RANBP1: variants seen among roughly 807,000 people sequenced by gnomAD.
The protein encoded by RANBP1 is ran-specific GTPase-activating protein.
In RANBP1, 16 loss-of-function variants were observed where a neutral mutation model predicts 31.4. The ratio of observed to expected loss-of-function variants is 0.51; its 90% confidence interval spans 0.34 to 0.77. The LOEUF is 0.77. Ranked by LOEUF, RANBP1 falls within the 30% of genes least tolerant of loss-of-function variation. The probability of loss-of-function intolerance (pLI) is 0.01; values close to 1 mark genes in which losing one functional copy is unlikely to be tolerated. For missense variants in RANBP1, 265 were observed against 362.0 expected (o/e 0.73, Z 2.17); for synonymous variants, 129 against 140.5 (o/e 0.92, Z 0.58).
At chr22:20,117,065 C>G (rs930088092) in intron 1 of RANBP1, 5 of 944,078 alleles carry the variant, frequency 5.3e-6, no homozygotes, top group Non-Finnish European at 7.9e-6. Context: ...CCGCCACCCC[C>G]GGCTTCGCCC....
At chr22:20,123,684 C>T (rs1261813858) in intron 3 of RANBP1, among the ~76,000 whole-genome samples, 4 of 151,928 alleles carry the variant, frequency 2.6e-5, no homozygotes, top group Non-Finnish European at 5.9e-5. Flanking sequence ...AGTAGAGGCC[C>T]TTGGGCAGGT....
intron 3 of RANBP1, among the ~76,000 whole-genome samples, chr22:20,123,443 G>A (rs1568983678): frequency 9.4e-6 from 1 of 105,852 alleles, no homozygotes; most frequent in Non-Finnish European, 2.0e-5. Flanking sequence ...GGGGGGGTGT[G>A]TGGTGTCTGG....
At chr22:20,122,449 A>G (rs933141937) in intron 3 of RANBP1, 28 bp downstream of exon 3, 9 of 1,611,130 alleles carry the variant, frequency 5.6e-6, no homozygotes, top group Non-Finnish European at 6.8e-6. Context: ...CCACCTCGAC[A>G]GTCCCCAGCA....
At chr22:20,126,234 C>G in intron 4 of RANBP1, 69 bp from the exon 5 acceptor site, 1 of 1,543,368 alleles carries the variant, frequency 6.5e-7, no homozygotes, top group Non-Finnish European at 8.8e-7. Context: ...CCTGACTCTT[C>G]AGACCCGGCA....
chr22:20,122,564 G>A, intron 3 of RANBP1, 143 bp downstream of exon 3: 1 of 1,552,048 alleles, frequency 6.4e-7, no homozygotes, highest in East Asian at 2.4e-5. Context: ...TTTAAAACCA[G>A]AAATACGTTT....
chr22:20,126,280 A>G, intron 4 of RANBP1, 23 bp from the exon 5 acceptor site: 1 of 1,607,526 alleles, frequency 6.2e-7, no homozygotes. Flanking sequence ...GCTCTTAGGA[A>G]GTCTTCGCTC....
intron 1 of RANBP1, chr22:20,117,625 G>T: frequency 1.6e-6 from 2 of 1,216,298 alleles, no homozygotes; most frequent in Non-Finnish European, 1.0e-6. Context: ...CGACCCAGCC[G>T]AGCCGCCGCC....
rs2050114672 is a variant in RANBP1 at position 20,118,931 on chromosome 22, C to G, written c.247-82C>G. 6 of 1,443,932 alleles carry G rather than the reference C, an allele frequency of 4.2e-6. No individual in the cohort carries two copies. The Admixed American group carries it at 1.3e-4, about 30-fold the overall frequency. The allele number at this position is 1,443,932 out of a possible 1,614,324, so 89.4% of individuals were successfully genotyped here. A position where few individuals can be genotyped will look rare whatever the true frequency, so the allele number is the denominator to read the frequency against. ...CTGAAGTCCCTTCATTGTCGGAGGG[C>G]TGACCACTGCAGGCACTGGTTGGGC... On this transcript the variant is annotated intron_variant, in intron 1 of 5. Transcript: ENST00000430524.
At chr22:20,118,667 C>T (rs1568978933) in intron 1 of RANBP1, among the ~76,000 whole-genome samples, 1 of 152,230 alleles carries the variant, frequency 6.6e-6, no homozygotes, top group African/African-American at 2.4e-5. Flanking sequence ...GAGGAAGAAA[C>T]TGATGCTCAA....
chr22:20,116,846 C>CGAG, intron 1 of RANBP1: 3 of 1,595,364 alleles, frequency 1.9e-6, no homozygotes, highest in East Asian at 4.5e-5. Context: ...CCTCCCACCC[C>CGAG]ATCCCCGTCT....
intron 5 of RANBP1, 142 bp downstream of exon 5, chr22:20,126,510 T>G (rs1350215128): frequency 1.3e-6 from 2 of 1,590,568 alleles, no homozygotes; most frequent in Non-Finnish European, 1.7e-6. Context: ...GTGATGCAGC[T>G]CCCTGGGGAC....
chr22:20,126,466 T>A (rs1200619350), intron 5 of RANBP1, 98 bp downstream of exon 5: 2 of 1,605,702 alleles, frequency 1.2e-6, no homozygotes, highest in East Asian at 4.5e-5. Flanking sequence ...CAGATAAACA[T>A]TCCAGGGTGC....
At chr22:20,126,407 C>G (rs1460069734) in intron 5 of RANBP1, 39 bp downstream of exon 5, 1 of 1,613,692 alleles carries the variant, frequency 6.2e-7, no homozygotes, top group Non-Finnish European at 8.5e-7. Flanking sequence ...TCTTTGCAGA[C>G]TCACTCTGCA....
rs1462479859 is a variant in RANBP1, at chr22:20,117,577, A to G, written c.246+1147A>G. The G allele has an allele frequency of 2.8e-5, 39 of 1,399,308 alleles. No homozygotes were observed. In the African/African-American group the frequency reaches 3.5e-4, roughly 13 times the overall value. The allele number at this position is 1,399,308 out of a possible 1,614,324, so 86.7% of individuals were successfully genotyped here. On this transcript the variant is annotated intron_variant, in intron 1 of 5. Coordinates refer to ENST00000430524, the MANE Select transcript of RANBP1 (RefSeq NM_001278639.2). Reference sequence around the variant, plus strand: ...GCGCCAGACGCGGAGGGAAGGAGCTACGAGTAGCCGCCGAGAGGCCGCGGA... The same window carrying G: ...GCGCCAGACGCGGAGGGAAGGAGCTGCGAGTAGCCGCCGAGAGGCCGCGGA...
At position 20,125,922 on chromosome 22, in the gene RANBP1, C is replaced by T. The variant is rs534359405; in HGVS notation, c.671-381C>T. The stretch of plus-strand genomic sequence containing the variant: ...TTTCCAGTCCAGATCGTCCAAGCTG[C>T]GTCCAGTGGCTCCTGGAGGAGTCAG... On this transcript the variant is annotated intron_variant, in intron 4 of 5. Coordinates refer to ENST00000430524, the MANE Select transcript of RANBP1 (RefSeq NM_001278639.2). Among the ~76,000 whole-genome samples, 91 of 152,384 alleles carry T rather than the reference C, an allele frequency of 6.0e-4. 1 individual carries two copies. The South Asian group carries it at 0.019, about 31-fold the overall frequency.
intron 1 of RANBP1, chr22:20,118,008 T>A: frequency 1.0e-6 from 1 of 995,158 alleles, no homozygotes; most frequent in Non-Finnish European, 1.2e-6. Flanking sequence ...CACTTGGGGC[T>A]CCCCACTAGT....
intron 1 of RANBP1, chr22:20,117,023 G>A: frequency 7.3e-7 from 1 of 1,362,280 alleles, no homozygotes; most frequent in South Asian, 1.3e-5. Flanking sequence ...GAGGGGAGGT[G>A]CTCACAGAGC....
At position 20,119,208 on chromosome 22, in the gene RANBP1, G is replaced by T. The variant is rs1383189996; in HGVS notation, c.383+59G>T. On this transcript the variant is annotated intron_variant, in intron 2 of 5. Coordinates refer to ENST00000430524, the MANE Select transcript of RANBP1 (RefSeq NM_001278639.2). ...TTAAGGTTGAGGTTACAACTTTTATGGGTGTCCAGGTTTTGGCCTGACTTT... is the reference window on the plus strand; with the variant it reads ...TTAAGGTTGAGGTTACAACTTTTATTGGTGTCCAGGTTTTGGCCTGACTTT... 5.9e-6 allele frequency: 9 copies of T among 1,534,188 alleles called. No homozygotes were observed. The African/African-American group carries it at 1.2e-4, about 21-fold the overall frequency.
chr22:20,123,101 C>A (rs1385034472), intron 3 of RANBP1, among the ~76,000 whole-genome samples: 4 of 67,056 alleles, frequency 6.0e-5, no homozygotes, highest in Non-Finnish European at 1.1e-4. Flanking sequence ...TATGTGGTGT[C>A]TGGGGGTGTG....
Sources: gnomAD v4.1 joint callset for allele counts (sites outside exome capture counted in the v4.1 genomes callset) on GRCh38, gnomAD v4.1.1 for gene constraint, MANE v1.5 for transcripts, NCBI Gene and HGNC (gene_info 2026-07-23, HGNC 2026-07-21) for gene names.